CCDC171: variants seen among roughly 807,000 people sequenced by gnomAD.
CCDC171 encodes the protein coiled-coil domain-containing protein 171.
Under a neutral mutation model 168.2 loss-of-function variants are expected in CCDC171, and 177 were observed. The ratio of observed to expected loss-of-function variants is 1.05; its 90% CI spans 0.93 to 1.19. The LOEUF (loss-of-function observed/expected upper bound fraction) is 1.19, where lower values mean the gene tolerates loss of function less well. CCDC171 is among the 50% of genes most tolerant of loss of function. The probability of loss-of-function intolerance (pLI) is 0.00; values close to 1 mark genes in which losing one functional copy is unlikely to be tolerated. For missense variants in CCDC171, 1,991 were observed against 1,539.0 expected (o/e 1.29, Z -4.91); for synonymous variants, 687 against 540.8 (o/e 1.27, Z -3.75).
chr9:15,842,922 T>C (rs1238280760), intron 21 of CCDC171, among the ~76,000 whole-genome samples: 2 of 151,910 alleles, frequency 1.3e-5, no homozygotes, highest in African/African-American at 4.8e-5. Flanking sequence ...GAACTATGGA[T>C]AAGAAAAAAT....
At chr9:16,048,557 C>T (rs1833697867) in intron 1 of CCDC171, among the ~76,000 whole-genome samples, 1 of 152,152 alleles carries the variant, frequency 6.6e-6, no homozygotes, top group Non-Finnish European at 1.5e-5. Context: ...AGATTAAGAC[C>T]ACAGATTTGG....
At chr9:15,857,062 T>G (rs1368262658) in intron 23 of CCDC171, among the ~76,000 whole-genome samples, 2 of 152,032 alleles carry the variant, frequency 1.3e-5, no homozygotes, top group Non-Finnish European at 2.9e-5. Context: ...AGGTTATTAG[T>G]TTCTTTTTGC....
At chr9:16,064,692 A>T (rs868503958), downstream of CCDC171, among the ~76,000 whole-genome samples, 1 of 152,214 alleles carries the variant, frequency 6.6e-6, no homozygotes, top group African/African-American at 2.4e-5. Flanking sequence ...ATCCACCATT[A>T]TTCACCTCTT....
At chr9:15,849,242 T>TA (rs139281487) in intron 23 of CCDC171, among the ~76,000 whole-genome samples, 3,785 of 151,560 alleles carry the variant, frequency 0.025, 171 homozygotes, top group African/African-American at 0.087. Context: ...TTAAGATCCT[T>TA]ATATGTCTCA....
intron 20 of CCDC171, among the ~76,000 whole-genome samples, chr9:15,780,034 G>T (rs2057578693): frequency 1.3e-5 from 2 of 152,286 alleles, no homozygotes; most frequent in South Asian, 4.1e-4. Context: ...TTTATCTTTT[G>T]ATTAATTTGG....
chr9:15,803,903 A>C (rs1195974866), intron 21 of CCDC171, among the ~76,000 whole-genome samples: 1 of 151,226 alleles, frequency 6.6e-6, no homozygotes, highest in Non-Finnish European at 1.5e-5. Context: ...GTGAGCATGG[A>C]ATGTCTTTCC....
intron 24 of CCDC171, among the ~76,000 whole-genome samples, chr9:15,898,523 G>A (rs975168083): frequency 3.9e-5 from 6 of 152,252 alleles, no homozygotes; most frequent in African/African-American, 1.4e-4. Flanking sequence ...GTTATGTGCA[G>A]AAGACTGGTT....
chr9:16,066,047 C>T (rs746568756), downstream of CCDC171, among the ~76,000 whole-genome samples: 6 of 152,078 alleles, frequency 3.9e-5, no homozygotes, highest in Non-Finnish European at 5.9e-5. Context: ...AGGTCCTTTC[C>T]GTCCATCCCA....
chr9:15,947,033 A>C lies in CCDC171; in HGVS notation c.3754-24576A>C, dbSNP rs189940985. Among the ~76,000 whole-genome samples, 354 of 152,118 alleles carry C rather than the reference A, an allele frequency of 2.3e-3. 4 individuals are homozygous for C. Among genetic ancestry groups the C allele is most frequent in the Non-Finnish European group, 5.3e-4 (36 of 67,976 alleles). ...TAAGAATCTGTGATAATAAAATTAC[A>C]TTCATTTAGAAACTAAAAAACATGA... On this transcript the variant is annotated intron_variant, in intron 25 of 25. Coordinates refer to ENST00000380701, the MANE Select transcript of CCDC171 (RefSeq NM_173550.4).
chr9:15,584,003 A>T (rs1230948713), intron 4 of CCDC171, among the ~76,000 whole-genome samples: 1 of 152,004 alleles, frequency 6.6e-6, no homozygotes, highest in East Asian at 1.9e-4. Flanking sequence ...AGTGGCTGGG[A>T]TTACAGGTGC....
At chr9:15,836,967 T>C (rs1445846080) in intron 21 of CCDC171, among the ~76,000 whole-genome samples, 1 of 152,230 alleles carries the variant, frequency 6.6e-6, no homozygotes, top group Non-Finnish European at 1.5e-5. Flanking sequence ...ATCTTCTTTC[T>C]AGTTAGCCAC....
At chr9:15,810,028 C>T (rs1034726979) in intron 21 of CCDC171, among the ~76,000 whole-genome samples, 1 of 152,158 alleles carries the variant, frequency 6.6e-6, no homozygotes, top group Non-Finnish European at 1.5e-5. Flanking sequence ...TCCAAGTCCC[C>T]ACTAGATGAG....
chr9:15,713,282 C>T (rs902127149), intron 11 of CCDC171, among the ~76,000 whole-genome samples: 1 of 150,738 alleles, frequency 6.6e-6, no homozygotes, highest in African/African-American at 2.4e-5. Flanking sequence ...ATCATGTCAC[C>T]ATAACATACA....
intron 6 of CCDC171, among the ~76,000 whole-genome samples, chr9:15,609,535 T>G (rs952733026): frequency 2.6e-5 from 4 of 152,202 alleles, no homozygotes; most frequent in African/African-American, 9.6e-5. Flanking sequence ...CTAATTTTGT[T>G]TTTCCAAATA....
intron 24 of CCDC171, among the ~76,000 whole-genome samples, chr9:15,903,180 G>A (rs982815506): frequency 6.6e-6 from 1 of 152,192 alleles, no homozygotes. Context: ...TTTGAAGAGA[G>A]TAGTGCTTCT....
At chr9:15,649,496 T>C (rs928130168) in intron 7 of CCDC171, among the ~76,000 whole-genome samples, 2 of 151,982 alleles carry the variant, frequency 1.3e-5, no homozygotes, top group South Asian at 2.1e-4. Context: ...TGGAATCTAC[T>C]CATCTGACAA....
intron 21 of CCDC171, among the ~76,000 whole-genome samples, chr9:15,785,525 A>G (rs775429127): frequency 6.6e-5 from 10 of 152,118 alleles, no homozygotes; most frequent in Admixed American, 1.3e-4. Flanking sequence ...ACCAGGCACT[A>G]TGCTAACTAC....
chr9:15,878,026 C>G (rs12002304), intron 24 of CCDC171, among the ~76,000 whole-genome samples: 3,348 of 152,016 alleles, frequency 0.022, 128 homozygotes, highest in African/African-American at 0.077. Context: ...CTATAAAAAC[C>G]CTGGAAGCCA....
At chr9:15,656,429 C>G (rs1020014579) in intron 7 of CCDC171, among the ~76,000 whole-genome samples, 5 of 152,066 alleles carry the variant, frequency 3.3e-5, no homozygotes, top group Non-Finnish European at 7.4e-5. Context: ...CAAAGTCTTG[C>G]ACACAAATGC....
Sources: gnomAD v4.1 joint callset for allele counts (sites outside exome capture counted in the v4.1 genomes callset) on GRCh38, gnomAD v4.1.1 for gene constraint, MANE v1.5 for transcripts, NCBI Gene and HGNC (gene_info 2026-07-23, HGNC 2026-07-21) for gene names.